Variants in EYA1 observed in about 807,000 individuals in gnomAD.
EYA1 encodes the protein protein phosphatase EYA1.
Under a neutral mutation model 82.0 loss-of-function variants are expected in EYA1, and 16 were observed. The ratio of observed to expected loss-of-function variants is 0.20; its 90% CI spans 0.13 to 0.30. The LOEUF (loss-of-function observed/expected upper bound fraction) is 0.30. Among genes scored for constraint, EYA1 ranks in the 10% least tolerant of loss-of-function variants. The probability of loss-of-function intolerance (pLI) is 1.00; values close to 1 mark genes in which losing one functional copy is unlikely to be tolerated. For synonymous variants in EYA1, 261 were observed against 264.4 expected (o/e 0.99, Z 0.12); for missense variants, 633 against 730.7 (o/e 0.87, Z 1.54).
At chr8:71,394,932 T>G (rs1375302370) in intron 2 of EYA1, among the ~76,000 whole-genome samples, 1 of 152,212 alleles carries the variant, frequency 6.6e-6, no homozygotes, top group Non-Finnish European at 1.5e-5. Context: ...GAGCGTGGAA[T>G]GTTCTTCCAT....
rs2129031416 is a variant in EYA1 at position 71,321,764 on chromosome 8, G to T, written c.388C>A (p.Pro130Thr). Residue 130 changes from proline (P) to threonine (T), a missense_variant, in exon 6 of 18, where the codon CCA becomes ACA. Coordinates refer to ENST00000340726, the MANE Select transcript of EYA1 (RefSeq NM_000503.6). ...GAGGAAATGCCGTACGGCTGTCCTG[G>T]CTGTGGGTACGTGGCATAGGCTGTA... ...QATAYATYPQ[P>T]GQPYGISSYG... The T allele has an allele frequency of 6.2e-7, 1 of 1,614,204 alleles. No homozygotes were observed. The highest frequency in any genetic ancestry group is 1.3e-5 in the African/African-American group (1 of 75,068).
chr8:71,400,816 AT>A (rs1253291200), intron 2 of EYA1, among the ~76,000 whole-genome samples: 1 of 152,166 alleles, frequency 6.6e-6, no homozygotes, highest in East Asian at 1.9e-4. Context: ...AAATCATTCT[AT>A]TATTAAGACA....
At chr8:71,262,055 A>G (rs1412436585) in intron 11 of EYA1, among the ~76,000 whole-genome samples, 1 of 152,154 alleles carries the variant, frequency 6.6e-6, no homozygotes, top group Admixed American at 6.5e-5. Context: ...AAATCCTGGC[A>G]CTCAATGCTC....
At chr8:71,327,838 G>A (rs183067409) in intron 4 of EYA1, among the ~76,000 whole-genome samples, 29 of 151,074 alleles carry the variant, frequency 1.9e-4, no homozygotes, top group South Asian at 2.1e-4. Context: ...TAGTTAGGGC[G>A]GGAATCTTTA....
intron 2 of EYA1, among the ~76,000 whole-genome samples, chr8:71,387,954 T>A (rs1176537331): frequency 1.3e-5 from 2 of 152,142 alleles, no homozygotes; most frequent in Non-Finnish European, 2.9e-5. Flanking sequence ...GGAGAACTCA[T>A]AGACTATGTG....
At chr8:71,466,269 T>C (rs1310416478) in intron 2 of EYA1, among the ~76,000 whole-genome samples, 1 of 152,170 alleles carries the variant, frequency 6.6e-6, no homozygotes, top group Non-Finnish European at 1.5e-5. Context: ...TAAAAGATTT[T>C]TGCATATACG....
intron 11 of EYA1, among the ~76,000 whole-genome samples, chr8:71,261,192 C>T (rs1194906146): frequency 1.3e-5 from 2 of 152,154 alleles, no homozygotes; most frequent in Admixed American, 1.3e-4. Context: ...CACATAAACA[C>T]ATAACCAAAA....
chr8:71,485,302 T>C (rs1810477307), intron 2 of EYA1, among the ~76,000 whole-genome samples: 1 of 152,212 alleles, frequency 6.6e-6, no homozygotes, highest in African/African-American at 2.4e-5. Flanking sequence ...TATATATAAC[T>C]AAAACCAATT....
chr8:71,424,279 C>G (rs1420327578), intron 2 of EYA1, among the ~76,000 whole-genome samples: 1 of 152,138 alleles, frequency 6.6e-6, no homozygotes, highest in South Asian at 2.1e-4. Context: ...TCCACAATCT[C>G]TAGTTAATGT....
At chr8:71,483,802 C>T (rs1810359604) in intron 2 of EYA1, among the ~76,000 whole-genome samples, 1 of 152,078 alleles carries the variant, frequency 6.6e-6, no homozygotes, top group Admixed American at 6.5e-5. Context: ...ATTTTGACCC[C>T]AAATAGTATG....
chr8:71,284,823 G>A (rs1049158023), intron 9 of EYA1, among the ~76,000 whole-genome samples: 5 of 152,060 alleles, frequency 3.3e-5, no homozygotes, highest in South Asian at 2.1e-4. Flanking sequence ...TCTGTCCCTC[G>A]CACTTTCACA....
chr8:71,211,134 T>C (rs2128834990), intron 17 of EYA1, 22 bp downstream of exon 17: 1 of 1,450,762 alleles, frequency 6.9e-7, no homozygotes, highest in Non-Finnish European at 9.7e-7. Flanking sequence ...TGAGACAAGA[T>C]GCACCATCTA....
chr8:71,448,039 C>T (rs1807042464), intron 2 of EYA1, among the ~76,000 whole-genome samples: 1 of 61,434 alleles, frequency 1.6e-5, no homozygotes, highest in African/African-American at 8.8e-5. Flanking sequence ...CGCTCCGTTG[C>T]CCAGGCTGCA....
intron 12 of EYA1, among the ~76,000 whole-genome samples, chr8:71,219,771 G>T (rs6472573): frequency 0.25 from 37,640 of 152,100 alleles, 7,411 homozygotes; most frequent in East Asian, 0.55. Context: ...TGTAAGTCCA[G>T]CAGCTCTCAA....
At chr8:71,486,086 AT>A (rs1810549761) in intron 2 of EYA1, among the ~76,000 whole-genome samples, 1 of 152,170 alleles carries the variant, frequency 6.6e-6, no homozygotes, top group Admixed American at 6.5e-5. Context: ...CGGCAGAATC[AT>A]CCCTGCAAGT....
chr8:71,444,052 T>G (rs541169799), intron 2 of EYA1, among the ~76,000 whole-genome samples: 1 of 152,198 alleles, frequency 6.6e-6, no homozygotes, highest in Non-Finnish European at 1.5e-5. Flanking sequence ...ACCGACTGAG[T>G]GAATGGTTGG....
At chr8:71,241,052 C>A (rs556994385) in intron 12 of EYA1, among the ~76,000 whole-genome samples, 1 of 152,150 alleles carries the variant, frequency 6.6e-6, no homozygotes, top group Non-Finnish European at 1.5e-5. Context: ...GTTAGTCAGA[C>A]TTAGAAATAG....
intron 2 of EYA1, among the ~76,000 whole-genome samples, chr8:71,387,544 C>T (rs914756489): frequency 6.6e-6 from 1 of 152,012 alleles, no homozygotes; most frequent in Non-Finnish European, 1.5e-5. Flanking sequence ...ATCTGAAAAA[C>T]ATTTACAGTT....
chr8:71,383,398 T>A (rs79938402), intron 2 of EYA1, among the ~76,000 whole-genome samples: 4,447 of 152,210 alleles, frequency 0.029, 201 homozygotes, highest in African/African-American at 0.099. Flanking sequence ...ACCACAATAC[T>A]GTTTCAAATG....
Sources: allele counts gnomAD v4.1 joint callset (sites outside exome capture counted in the v4.1 genomes callset), GRCh38; gene constraint gnomAD v4.1.1; transcripts MANE v1.5; gene names NCBI Gene and HGNC (gene_info 2026-07-23, HGNC 2026-07-21).